The following ARHGAP35 variants were observed in gnomAD, a reference collection of about 807,000 sequenced individuals.
ARHGAP35 encodes the protein Rho GTPase activating protein 35, also known as rho GTPase-activating protein 35.
Under a neutral mutation model 111.1 loss-of-function variants are expected in ARHGAP35, and 15 were observed. The ratio of observed to expected loss-of-function variants is 0.13; its 90% CI spans 0.09 to 0.21. The LOEUF is 0.21. Among genes scored for constraint, ARHGAP35 ranks in the 10% least tolerant of loss-of-function variants. The pLI is 1.00. For synonymous variants in ARHGAP35, 643 were observed against 710.3 expected (o/e 0.91, Z 1.51); for missense variants, 1,262 against 1,873.0 (o/e 0.67, Z 6.02).
chr19:46,873,508 G>A (rs993975581), intron 1 of ARHGAP35, among the ~76,000 whole-genome samples: 2 of 151,530 alleles, frequency 1.3e-5, no homozygotes, highest in Non-Finnish European at 2.9e-5. Context: ...GCTTGGTGGC[G>A]GGCACCTGTA....
At position 46,999,417 on chromosome 19, in the gene ARHGAP35, G is replaced by A. The variant is rs754499744; in HGVS notation, c.4142+8G>A. ...CATCTCTCACCTAAACAAGTAAGTC[G>A]CAGGGCCTTCTGGTTGGTTTTTCCT... On this transcript the variant is annotated splice_region_variant and intron_variant, in intron 6 of 6. Transcript: ENST00000672722. The surrounding 1 kb of genome is among the most constrained non-coding windows in gnomAD (Gnocchi z 5.4). 6.4e-6 allele frequency: 10 copies of A among 1,552,698 alleles called. No homozygotes were observed. The highest frequency in any genetic ancestry group is 3.5e-5 in the South Asian group (3 of 84,716).
At chr19:46,964,848 C>G (rs190698548) in intron 3 of ARHGAP35, among the ~76,000 whole-genome samples, 8 of 152,170 alleles carry the variant, frequency 5.3e-5, no homozygotes, top group Non-Finnish European at 7.4e-5. Flanking sequence ...TAAAAACTTG[C>G]AGAAATGAAC....
intron 3 of ARHGAP35, among the ~76,000 whole-genome samples, chr19:46,963,197 G>A (rs2056494599): frequency 6.6e-6 from 1 of 152,098 alleles, no homozygotes; most frequent in Non-Finnish European, 1.5e-5. Flanking sequence ...GGTTCTATCT[G>A]GAAACCTTAT....
chr19:46,995,798 C>G (rs2056704215), intron 5 of ARHGAP35, among the ~76,000 whole-genome samples: 1 of 152,224 alleles, frequency 6.6e-6, no homozygotes, highest in East Asian at 1.9e-4. Context: ...GGTCCCTCCC[C>G]AGAGAGGCCC....
In ARHGAP35 at chr19:46,936,826, T is replaced by A. The variant is rs549952924; in HGVS notation, c.3682-438T>A. Among the ~76,000 whole-genome samples the A allele has an allele frequency of 2.0e-5, 3 of 152,128 alleles. No individual in the cohort carries two copies. The South Asian group carries it at 6.2e-4, about 32-fold the overall frequency. ...GTAGTGAGATGAGCCAAGCGAATCT[T>A]TTTAATCCTTCTTGAAATCTTTTTT... On this transcript the variant is annotated intron_variant, in intron 2 of 6. Transcript: ENST00000672722.
At chr19:46,873,684 T>G (rs941775081) in intron 1 of ARHGAP35, among the ~76,000 whole-genome samples, 1 of 151,332 alleles carries the variant, frequency 6.6e-6, no homozygotes, top group Admixed American at 6.6e-5. Flanking sequence ...GCTATAAAAT[T>G]AGTGATGTGT....
intron 3 of ARHGAP35, among the ~76,000 whole-genome samples, chr19:46,963,215 A>C (rs1568481156): frequency 6.6e-6 from 1 of 152,094 alleles, no homozygotes; most frequent in Non-Finnish European, 1.5e-5. Flanking sequence ...TATGTGACTC[A>C]GGGCATAGTA....
At chr19:46,916,069 G>C (rs1022496500) in intron 1 of ARHGAP35, among the ~76,000 whole-genome samples, 1 of 151,718 alleles carries the variant, frequency 6.6e-6, no homozygotes, top group Non-Finnish European at 1.5e-5. Context: ...TGAGTAGCTG[G>C]GACTACAGGT....
intron 3 of ARHGAP35, among the ~76,000 whole-genome samples, chr19:46,955,404 C>T (rs1375721262): frequency 1.3e-5 from 2 of 152,206 alleles, no homozygotes; most frequent in African/African-American, 2.4e-5. Context: ...TATTTCATGT[C>T]ACCCTCTCCG....
intron 1 of ARHGAP35, among the ~76,000 whole-genome samples, chr19:46,907,421 A>T (rs1443918155): frequency 6.6e-6 from 1 of 151,262 alleles, no homozygotes; most frequent in African/African-American, 2.4e-5. Context: ...GAGTGCTGGG[A>T]TTACAGGCGT....
intron 2 of ARHGAP35, among the ~76,000 whole-genome samples, chr19:46,933,760 G>T (rs1256903720): frequency 1.3e-5 from 2 of 152,176 alleles, no homozygotes; most frequent in Non-Finnish European, 2.9e-5. Flanking sequence ...AGCTGTGGTT[G>T]TAGGGAGCTA....
chr19:46,929,752 A>G (rs1422214535), intron 2 of ARHGAP35, among the ~76,000 whole-genome samples: 1 of 151,234 alleles, frequency 6.6e-6, no homozygotes, highest in African/African-American at 2.4e-5. Flanking sequence ...CCTCTTTACT[A>G]AAAGTACAAA....
chr19:46,949,597 A>G (rs979858817), intron 3 of ARHGAP35, among the ~76,000 whole-genome samples: 6 of 152,204 alleles, frequency 3.9e-5, no homozygotes, highest in Non-Finnish European at 8.8e-5. Flanking sequence ...CTCGTTTTCC[A>G]CTAGCCTAGT....
chr19:46,888,222 G>A (rs2056002698), intron 1 of ARHGAP35, among the ~76,000 whole-genome samples: 1 of 130,102 alleles, frequency 7.7e-6, no homozygotes, highest in Admixed American at 8.5e-5. Context: ...AAAGTGCTGG[G>A]GTTACAGGCG....
At position 47,000,193 on chromosome 19, in the gene ARHGAP35, C is replaced by T. The variant is rs529678138; in HGVS notation, c.4143-138C>T. On this transcript the variant is annotated intron_variant, in intron 6 of 6. Transcript: ENST00000672722. The surrounding 1 kb of genome is among the most constrained non-coding windows in gnomAD (Gnocchi z 6.9). ...GCAGCCTCCCAGGCAGGGCAGGGTA[C>T]AGAGAGCTGCGCATGGCCTTTTCTG... 1.1e-6 allele frequency: 1 copy of T among 903,720 alleles called. No individual in the cohort carries two copies. Among genetic ancestry groups the T allele is most frequent in the Admixed American group, 2.5e-5 (1 of 39,978 alleles). 56.0% of individuals were successfully genotyped at this position (903,720 alleles called of 1,614,324 possible).
rs1599863880 is a variant in ARHGAP35 at position 46,982,089 on chromosome 19, C to T, written c.3827-5900C>T. Reference sequence around the variant, plus strand: ...TGGTCTCGAACTGGGCTCAAGCAATCCTCCCGCCTTGGCCTCCCAAAGTGC... The same window carrying T: ...TGGTCTCGAACTGGGCTCAAGCAATTCTCCCGCCTTGGCCTCCCAAAGTGC... On this transcript the variant is annotated intron_variant, in intron 3 of 6. Transcript: ENST00000672722. 9.2e-5 allele frequency among the ~76,000 whole-genome samples: 14 copies of T among 152,228 alleles called. No homozygotes were observed. The South Asian group carries it at 2.9e-3, about 32-fold the overall frequency.
rs892043647 is a variant in ARHGAP35, at chr19:47,001,603, C to T, written c.*915C>T. 5.1e-5 allele frequency: 19 copies of T among 375,710 alleles called. 1 individual carries two copies. Among genetic ancestry groups the T allele is most frequent in the Admixed American group, 4.1e-4 (11 of 26,632 alleles). The allele number at this position is 375,710 out of a possible 1,614,324, so 23.3% of individuals were successfully genotyped here. On this transcript the variant is annotated 3_prime_UTR_variant, in exon 7 of 7. Transcript: ENST00000672722. The surrounding 1 kb of genome is among the most constrained non-coding windows in gnomAD (Gnocchi z 5.4). ...ACTTAGGTCTAGTCGCTAGATCCCC[C>T]GTTTTCCCAAGAAGAGGGTTCGAGC...
In ARHGAP35 at chr19:46,988,205, A is replaced by T. The variant is rs1344601408; in HGVS notation, c.3904+139A>T. The T allele has an allele frequency of 3.4e-5, 27 of 782,784 alleles. No individual in the cohort carries two copies. The African/African-American group carries it at 3.6e-4, about 10-fold the overall frequency. 48.5% of individuals were successfully genotyped at this position (782,784 alleles called of 1,614,324 possible). On this transcript the variant is annotated intron_variant, in intron 4 of 6. Coordinates refer to ENST00000672722, the MANE Select transcript of ARHGAP35 (RefSeq NM_004491.5). This position sits in a 1 kb window ranked among gnomAD's most constrained non-coding sequence, Gnocchi z 5.4. Reference sequence around the variant, plus strand: ...CCACGAGGTGCTGAGACTGAGAAAGAGACCATGTGTGGCTGCAGCGGGGAG... The same window carrying T: ...CCACGAGGTGCTGAGACTGAGAAAGTGACCATGTGTGGCTGCAGCGGGGAG...
chr19:46,897,812 C>T (rs930809370), intron 1 of ARHGAP35, among the ~76,000 whole-genome samples: 31 of 152,124 alleles, frequency 2.0e-4, no homozygotes, highest in Non-Finnish European at 8.8e-5. Flanking sequence ...GAACTTCTTC[C>T]ACCTTCCCTC....
Sources: gnomAD v4.1 joint callset for allele counts (sites outside exome capture counted in the v4.1 genomes callset) on GRCh38, gnomAD v4.1.1 for gene constraint, Gnocchi (gnomAD v3.1) non-coding constraint, MANE v1.5 for transcripts, NCBI Gene and HGNC (gene_info 2026-07-23, HGNC 2026-07-21) for gene names.